CACNA2D3: variants seen among roughly 807,000 people sequenced by gnomAD.
The protein encoded by CACNA2D3 is calcium voltage-gated channel auxiliary subunit alpha2delta 3.
In CACNA2D3, 60 loss-of-function variants were observed where a neutral mutation model predicts 160.6. That is an observed-to-expected ratio of 0.37 (90% confidence interval 0.30 to 0.46). The LOEUF is 0.46. Ranked by LOEUF, CACNA2D3 falls within the 20% of genes least tolerant of loss-of-function variation. The pLI, the probability that CACNA2D3 is intolerant of heterozygous loss-of-function variation, is 1.00. For missense variants in CACNA2D3, 1,205 were observed against 1,365.0 expected (o/e 0.88, Z 1.85); for synonymous variants, 558 against 492.9 (o/e 1.13, Z -1.75).
intron 3 of CACNA2D3, among the ~76,000 whole-genome samples, chr3:54,334,065 A>G (rs546291101): frequency 2.3e-4 from 35 of 152,194 alleles, no homozygotes; most frequent in African/African-American, 7.9e-4. Flanking sequence ...TGCCCCAGTC[A>G]TTTGTTTTAT....
At position 54,279,704 on chromosome 3, in the gene CACNA2D3, T is replaced by C. The variant is rs557911242; in HGVS notation, c.205-40738T>C. Reference sequence around the variant, plus strand: ...TCTGAGTAGAGCTCTGGCTTAGTCCTAATAATTGAAACCATTTCGAGTTCT... The same window carrying C: ...TCTGAGTAGAGCTCTGGCTTAGTCCCAATAATTGAAACCATTTCGAGTTCT... On this transcript the variant is annotated intron_variant, in intron 2 of 37. Coordinates refer to ENST00000474759, the MANE Select transcript of CACNA2D3 (RefSeq NM_018398.3). 1.8e-4 allele frequency among the ~76,000 whole-genome samples: 27 copies of C among 152,326 alleles called. 1 individual carries two copies. The South Asian group carries it at 5.6e-3, about 32-fold the overall frequency.
At chr3:54,843,763 G>A (rs147305875) in intron 16 of CACNA2D3, among the ~76,000 whole-genome samples, 120 of 152,328 alleles carry the variant, frequency 7.9e-4, no homozygotes, top group Non-Finnish European at 1.3e-3. Context: ...GGTACAGTTG[G>A]GTAGCAGGAT....
At chr3:54,345,342 G>C (rs942849354) in intron 3 of CACNA2D3, among the ~76,000 whole-genome samples, 2 of 152,106 alleles carry the variant, frequency 1.3e-5, no homozygotes, top group African/African-American at 2.4e-5. Context: ...TATCTGAGTA[G>C]TACCTGTAGA....
rs1243398419 is a variant in CACNA2D3, at chr3:54,913,097, T to G, written c.2449+13229T>G. On this transcript the variant is annotated intron_variant, in intron 27 of 37. Transcript: ENST00000474759. ...TCTGCTCTGTTTTGTTTTGTGTTGT[T>G]TTTTTGAGATAGGATCTCACTCGGT... 2.0e-5 allele frequency among the ~76,000 whole-genome samples: 3 copies of G among 152,284 alleles called. No individual in the cohort carries two copies. The East Asian group carries it at 5.8e-4, about 29-fold the overall frequency.
chr3:54,799,055 T>G (rs768713582), intron 13 of CACNA2D3, among the ~76,000 whole-genome samples: 38 of 152,238 alleles, frequency 2.5e-4, no homozygotes, highest in Non-Finnish European at 5.3e-4. Flanking sequence ...TGTTTTTGTT[T>G]GGTGTTCTGG....
chr3:54,765,132 T>C (rs1456357435), intron 13 of CACNA2D3, among the ~76,000 whole-genome samples: 2 of 152,180 alleles, frequency 1.3e-5, no homozygotes, highest in Non-Finnish European at 2.9e-5. Flanking sequence ...CAGACACAGC[T>C]GTCCTCCAGA....
chr3:54,503,972 C>T (rs889509572), intron 5 of CACNA2D3, among the ~76,000 whole-genome samples: 1 of 152,292 alleles, frequency 6.6e-6, no homozygotes, highest in Admixed American at 6.5e-5. Flanking sequence ...GTTGCAACTA[C>T]TCACTTCTGC....
At chr3:54,204,623 T>C (rs575731671) in intron 2 of CACNA2D3, among the ~76,000 whole-genome samples, 40 of 151,800 alleles carry the variant, frequency 2.6e-4, no homozygotes, top group South Asian at 1.3e-3. Flanking sequence ...GGTGAAACCC[T>C]GTCTCTACTA....
At chr3:54,244,300 T>C (rs1702029081) in intron 2 of CACNA2D3, among the ~76,000 whole-genome samples, 2 of 152,220 alleles carry the variant, frequency 1.3e-5, no homozygotes, top group Non-Finnish European at 2.9e-5. Context: ...TGCAAGCAGC[T>C]GGTGTTGGAG....
At chr3:54,413,368 A>G (rs1477950173) in intron 4 of CACNA2D3, among the ~76,000 whole-genome samples, 1 of 149,212 alleles carries the variant, frequency 6.7e-6, no homozygotes, top group African/African-American at 2.4e-5. Flanking sequence ...ACACAGTGTG[A>G]TAAGGATGTT....
chr3:54,123,645 G>A (rs1203456311), intron 2 of CACNA2D3, 51 bp downstream of exon 2: 1 of 1,444,542 alleles, frequency 6.9e-7, no homozygotes, highest in East Asian at 2.3e-5. Context: ...CACAGAAAAT[G>A]GAGGCAGATT....
chr3:54,201,063 A>G (rs1023965008), intron 2 of CACNA2D3, among the ~76,000 whole-genome samples: 11 of 152,198 alleles, frequency 7.2e-5, no homozygotes, highest in African/African-American at 2.7e-4. Context: ...CTGAAATGAG[A>G]CGCTCTGTAA....
intron 4 of CACNA2D3, among the ~76,000 whole-genome samples, chr3:54,461,635 T>C (rs1449519176): frequency 6.6e-6 from 1 of 151,856 alleles, no homozygotes; most frequent in African/African-American, 2.4e-5. Flanking sequence ...CCCTTTATCG[T>C]TTTTTATTGC....
intron 26 of CACNA2D3, 30 bp downstream of exon 26, chr3:54,896,900 T>C (rs1207226691): frequency 2.5e-6 from 4 of 1,613,624 alleles, no homozygotes; most frequent in Non-Finnish European, 3.4e-6. Context: ...GCGGGCTCTG[T>C]CTGTCTGGTC....
intron 4 of CACNA2D3, among the ~76,000 whole-genome samples, chr3:54,426,581 A>G (rs1699915478): frequency 6.6e-6 from 1 of 152,214 alleles, no homozygotes; most frequent in South Asian, 2.1e-4. Flanking sequence ...ATAGTGTTTC[A>G]GCATTCCTGA....
At chr3:54,547,204 G>A (rs1702079105) in intron 5 of CACNA2D3, among the ~76,000 whole-genome samples, 1 of 152,196 alleles carries the variant, frequency 6.6e-6, no homozygotes, top group African/African-American at 2.4e-5. Context: ...TAACATTACT[G>A]GAAGTTGGCA....
intron 9 of CACNA2D3, among the ~76,000 whole-genome samples, chr3:54,624,386 G>A (rs1305715004): frequency 6.6e-6 from 1 of 152,212 alleles, no homozygotes. Context: ...ACTTTGGGAG[G>A]CTGAGGCGGG....
At chr3:54,505,055 C>T (rs1359600810) in intron 5 of CACNA2D3, among the ~76,000 whole-genome samples, 1 of 152,196 alleles carries the variant, frequency 6.6e-6, no homozygotes, top group Non-Finnish European at 1.5e-5. Context: ...CTAACTGTCT[C>T]TGAAACATTT....
chr3:54,783,495 A>T (rs1285194401), intron 13 of CACNA2D3, among the ~76,000 whole-genome samples: 1 of 152,062 alleles, frequency 6.6e-6, no homozygotes, highest in Non-Finnish European at 1.5e-5. Flanking sequence ...AATCCCAGCT[A>T]CTCGGGAGAC....
Sources: gnomAD v4.1 joint callset for allele counts (sites outside exome capture counted in the v4.1 genomes callset) on GRCh38, gnomAD v4.1.1 for gene constraint, MANE v1.5 for transcripts, NCBI Gene and HGNC (gene_info 2026-07-23, HGNC 2026-07-21) for gene names.